The following PSEN2 variants were observed in gnomAD, a reference collection of about 807,000 sequenced individuals.
The protein encoded by PSEN2 is presenilin 2.
Under a neutral mutation model 49.1 loss-of-function variants are expected in PSEN2, and 32 were observed. The ratio of observed to expected loss-of-function variants is 0.65; its 90% CI spans 0.49 to 0.88. PSEN2 has a LOEUF of 0.88. Ranked by LOEUF, PSEN2 falls within the 40% of genes least tolerant of loss-of-function variation. PSEN2 has a pLI of 0.00. For missense variants in PSEN2, 522 were observed against 586.9 expected (o/e 0.89, Z 1.14); for synonymous variants, 255 against 244.0 (o/e 1.05, Z -0.42).
chr1:226,885,643 C>T lies in PSEN2; in HGVS notation c.462C>T (p.Ile154=), dbSNP rs1166844739. ...TCAGCGTCATCGTGGTTATGACCAT[C>T]TTCTTGGTGGTGCTCTACAAGTACC... The part of the protein sequence containing the change: ...IMISVIVVMT[I]FLVVLYKYRC... The change falls in exon 6 of 13, where the codon ATC becomes ATT. Residue 154 remains isoleucine (I), a synonymous_variant. Transcript: ENST00000366783. 1 of 1,611,726 alleles carries T rather than the reference C, an allele frequency of 6.2e-7. No homozygotes were observed. Among genetic ancestry groups the T allele is most frequent in the Admixed American group, 1.7e-5 (1 of 60,016 alleles).
At chr1:226,891,139 C>T (rs1032013258) in intron 9 of PSEN2, 139 bp from the exon 10 acceptor site, 5 of 722,942 alleles carry the variant, frequency 6.9e-6, no homozygotes, top group Non-Finnish European at 1.2e-5. Context: ...GGCCTCCTAA[C>T]AATGGAGCAT....
chr1:226,895,892 G>A lies in PSEN2; in HGVS notation c.*313G>A, dbSNP rs201773209. On this transcript the variant is annotated 3_prime_UTR_variant, in exon 13 of 13. Transcript: ENST00000366783. ...GCATGAGGGCTGAGATGCGCAAAGA[G>A]TGTGCTCGGGAGTGGCCCCTGGCAC... 2.2e-6 allele frequency: 1 copy of A among 449,604 alleles called. No individual in the cohort carries two copies. Among genetic ancestry groups the A allele is most frequent in the Non-Finnish European group, 4.1e-6 (1 of 243,192 alleles). 27.9% of individuals were successfully genotyped at this position (449,604 alleles called of 1,614,324 possible).
chr1:226,884,065 T>C lies in PSEN2; in HGVS notation c.356+146T>C, dbSNP rs35519961. 0.22 allele frequency: 154,676 copies of C among 698,706 alleles called. 18,361 individuals are homozygous for C. Among genetic ancestry groups the C allele is most frequent in the South Asian group, 0.27 (15,069 of 55,462 alleles). The allele number at this position is 698,706 out of a possible 1,614,324, so 43.3% of individuals were successfully genotyped here. A position where few individuals can be genotyped will look rare whatever the true frequency, so the allele number is the denominator to read the frequency against. ...AGGGATGAAGAACCGCCCAGGTTCA[T>C]GGCCTGGCTCACTGCCTCCTGGATT... On this transcript the variant is annotated intron_variant, in intron 5 of 12. Transcript: ENST00000366783.
chr1:226,894,920 G>T (rs1267837833), intron 12 of PSEN2, among the ~76,000 whole-genome samples: 1 of 152,194 alleles, frequency 6.6e-6, no homozygotes, highest in African/African-American at 2.4e-5. Context: ...AAGGCACCCT[G>T]GTTCCCTGTG....
intron 11 of PSEN2, among the ~76,000 whole-genome samples, chr1:226,892,936 TGTC>T (rs1445178786): frequency 6.6e-6 from 1 of 152,170 alleles, no homozygotes; most frequent in Non-Finnish European, 1.5e-5. Flanking sequence ...TGTTTTTTGT[TGTC>T]GTTTTGTTTT....
intron 5 of PSEN2, among the ~76,000 whole-genome samples, chr1:226,885,076 C>T (rs993090889): frequency 6.6e-6 from 1 of 152,060 alleles, no homozygotes; most frequent in Admixed American, 6.6e-5. Context: ...TGAATTGCTT[C>T]CTGTGTCTGC....
intron 11 of PSEN2, among the ~76,000 whole-genome samples, chr1:226,893,318 G>T (rs367602636): frequency 6.6e-6 from 1 of 152,208 alleles, no homozygotes; most frequent in Non-Finnish European, 1.5e-5. Context: ...CACACCTGGT[G>T]GGGGAAGGAG....
Position 226,881,740 on chromosome 1 carries a change from C to A in PSEN2, c.-20-148C>A, listed in dbSNP as rs903582668. ...ACTCTCAAGGCCTCTTGTTTTATGG[C>A]AGTCGTTTGATTGACAGGCATCTCT... On this transcript the variant is annotated intron_variant, in intron 3 of 12. Transcript: ENST00000366783. The A allele has an allele frequency of 1.5e-5, 13 of 860,956 alleles. No individual in the cohort carries two copies. The African/African-American group carries it at 1.8e-4, about 12-fold the overall frequency. The allele number at this position is 860,956 out of a possible 1,614,324, so 53.3% of individuals were successfully genotyped here.
rs751261061 is a variant in PSEN2, at chr1:226,883,851, T to C, written c.288T>C (p.Thr96=). The C allele has an allele frequency of 1.9e-6, 3 of 1,614,040 alleles. No homozygotes were observed. The highest frequency in any genetic ancestry group is 3.3e-5 in the Admixed American group (2 of 60,002). ...KHVIMLFVPV[T]LCMIVVVATI... ...TGATCATGCTGTTTGTGCCTGTCAC[T>C]CTGTGCATGATCGTGGTGGTAGCCA... The change falls in exon 5 of 13, where the codon ACT becomes ACC. Residue 96 remains threonine, a synonymous_variant. Coordinates refer to ENST00000366783, the MANE Select transcript of PSEN2 (RefSeq NM_000447.3).
chr1:226,900,035 CG>C (rs1218676632), downstream of PSEN2, among the ~76,000 whole-genome samples: 1 of 152,128 alleles, frequency 6.6e-6, no homozygotes, highest in African/African-American at 2.4e-5. Flanking sequence ...GTGGTTATGG[CG>C]TGTCTTTTGG....
chr1:226,895,622 A>T lies in PSEN2; in HGVS notation c.*43A>T. On this transcript the variant is annotated 3_prime_UTR_variant, in exon 13 of 13. Transcript: ENST00000366783. The stretch of plus-strand genomic sequence containing the variant: ...AGGCTGCAAGCTGCAGGGAATTTTC[A>T]TTGGATGCAGTTGTATAGTTTTACA... 1 of 1,581,390 alleles carries T rather than the reference A, an allele frequency of 6.3e-7. No individual in the cohort carries two copies. The highest frequency in any genetic ancestry group is 8.6e-7 in the Non-Finnish European group (1 of 1,160,872).
downstream of PSEN2, among the ~76,000 whole-genome samples, chr1:226,896,358 C>T (rs753739312): frequency 5.6e-4 from 85 of 152,332 alleles, no homozygotes; most frequent in Middle Eastern, 6.8e-3. Context: ...CTCAGTTGTG[C>T]ACGGTGGCAC....
At position 226,885,821 on chromosome 1, in the gene PSEN2, C is replaced by T. The variant is rs765341821; in HGVS notation, c.498+142C>T. 9.1e-6 allele frequency: 8 copies of T among 879,396 alleles called. No homozygotes were observed. The African/African-American group carries it at 1.2e-4, about 13-fold the overall frequency. 54.5% of individuals were successfully genotyped at this position (879,396 alleles called of 1,614,324 possible). On this transcript the variant is annotated intron_variant, in intron 6 of 12. Coordinates refer to ENST00000366783, the MANE Select transcript of PSEN2 (RefSeq NM_000447.3). ...AGATTTTTTGTACTCCTCCCCACCC[C>T]ATCCTGTCTCCCACCGTGGATGACC...
At chr1:226,891,503 A>G in intron 10 of PSEN2, 142 bp downstream of exon 10, 1 of 798,606 alleles carries the variant, frequency 1.3e-6, no homozygotes. Flanking sequence ...CCAGCCGGAC[A>G]CATGCGGCTT....
intron 3 of PSEN2, 84 bp downstream of exon 3, chr1:226,875,634 T>A (rs1338879056): frequency 6.6e-6 from 1 of 152,224 alleles, no homozygotes; most frequent in Admixed American, 6.5e-5. Context: ...CCATGGGAGT[T>A]TGCTGTGGCA....
At chr1:226,893,342 A>G (rs914530176) in intron 11 of PSEN2, among the ~76,000 whole-genome samples, 6 of 152,238 alleles carry the variant, frequency 3.9e-5, no homozygotes, top group Admixed American at 6.5e-5. Flanking sequence ...AGCTGGGGCC[A>G]GGAGCAGGAG....
At position 226,881,989 on chromosome 1, in the gene PSEN2, C is replaced by A. The variant is rs749015914; in HGVS notation, c.82C>A (p.Pro28Thr). The stretch of plus-strand genomic sequence containing the variant: ...CCTAATGTCGGCTGAGAGCCCCACG[C>A]CGCGCTCCTGCCAGGAGGGCAGGCA... ...TSLMSAESPTPRSCQEGRQGP... is the reference protein window; with the variant it reads ...TSLMSAESPTTRSCQEGRQGP... Residue 28 changes from proline to threonine, a missense_variant, in exon 4 of 13, where the codon CCG becomes ACG. By Grantham distance (38) the Pro-to-Thr change is conservative (BLOSUM62 -1). Transcript: ENST00000366783. 4 of 1,614,112 alleles carry A rather than the reference C, an allele frequency of 2.5e-6. No individual in the cohort carries two copies. The highest frequency in any genetic ancestry group is 3.3e-5 in the Admixed American group (2 of 60,012).
rs1441152666 is a variant in PSEN2 at position 226,895,608 on chromosome 1, T to G, written c.*29T>G. On this transcript the variant is annotated 3_prime_UTR_variant, in exon 13 of 13. Coordinates refer to ENST00000366783, the MANE Select transcript of PSEN2 (RefSeq NM_000447.3). ...ACATGGTGTGCCACAGGCTGCAAGC[T>G]GCAGGGAATTTTCATTGGATGCAGT... 7 of 1,598,480 alleles carry G rather than the reference T, an allele frequency of 4.4e-6. No homozygotes were observed. In the East Asian group the frequency reaches 1.4e-4, roughly 31 times the overall value.
At chr1:226,888,754 A>G (rs745566477) in intron 7 of PSEN2, 75 bp from the exon 8 acceptor site, 10 of 1,299,422 alleles carry the variant, frequency 7.7e-6, no homozygotes, top group Non-Finnish European at 1.1e-5. Flanking sequence ...CCAGGTTGGG[A>G]CTGAATGGTG....
Sources: allele counts gnomAD v4.1 joint callset (sites outside exome capture counted in the v4.1 genomes callset), GRCh38; gene constraint gnomAD v4.1.1; transcripts MANE v1.5; gene names NCBI Gene and HGNC (gene_info 2026-07-23, HGNC 2026-07-21).